AGBL4: variants seen among roughly 807,000 people sequenced by gnomAD.
The protein encoded by AGBL4 is AGBL carboxypeptidase 4, also known as cytosolic carboxypeptidase 6.
A neutral mutation model predicts 66.4 loss-of-function variants in AGBL4; 58 were observed. That is an observed-to-expected ratio of 0.87 (90% confidence interval 0.71 to 1.09). The LOEUF (loss-of-function observed/expected upper bound fraction) is 1.09. Among genes scored for constraint, AGBL4 ranks in the 50% least tolerant of loss-of-function variants. The probability of loss-of-function intolerance (pLI) is 0.00; values close to 1 mark genes in which losing one functional copy is unlikely to be tolerated. For synonymous variants in AGBL4, 234 were observed against 222.9 expected (o/e 1.05, Z -0.44); for missense variants, 579 against 631.0 (o/e 0.92, Z 0.88).
chr1:49,174,679 C>T (rs1646799340), intron 4 of AGBL4: 1 of 152,146 alleles, frequency 6.6e-6, no homozygotes, highest in African/African-American at 2.4e-5. Context: ...CTGCAGCTTT[C>T]AGCTACCTTT....
At chr1:48,957,097 A>G (rs1187338467) in intron 5 of AGBL4, among the ~76,000 whole-genome samples, 1 of 152,172 alleles carries the variant, frequency 6.6e-6, no homozygotes, top group Non-Finnish European at 1.5e-5. Context: ...CCCTTCTTTT[A>G]TATAACAGGG....
chr1:49,258,951 G>T (rs57465947), intron 3 of AGBL4, among the ~76,000 whole-genome samples: 1 of 152,220 alleles, frequency 6.6e-6, no homozygotes, highest in South Asian at 2.1e-4. Flanking sequence ...GACTAAGAGC[G>T]GATCTCTCAG....
chr1:49,267,062 G>A (rs1195378325), intron 3 of AGBL4, among the ~76,000 whole-genome samples: 1 of 152,198 alleles, frequency 6.6e-6, no homozygotes, highest in African/African-American at 2.4e-5. Context: ...TGCAAACCCA[G>A]TGTCATTAAT....
At chr1:49,556,912 G>A (rs970141726) in intron 3 of AGBL4, among the ~76,000 whole-genome samples, 1 of 152,108 alleles carries the variant, frequency 6.6e-6, no homozygotes, top group Non-Finnish European at 1.5e-5. Flanking sequence ...AGTGCTGGGG[G>A]ACCCGGCGCA....
chr1:49,115,589 GGAGAGA>G (rs148141722), intron 4 of AGBL4, among the ~76,000 whole-genome samples: 42 of 150,802 alleles, frequency 2.8e-4, no homozygotes, highest in Non-Finnish European at 4.3e-4. Context: ...GTGTTTGGAG[GGAGAGA>G]GAGAGAGAGG....
At chr1:48,623,634 G>A (rs375965542) in intron 9 of AGBL4, among the ~76,000 whole-genome samples, 1 of 152,240 alleles carries the variant, frequency 6.6e-6, no homozygotes, top group East Asian at 1.9e-4. Context: ...TTGGGCTTGA[G>A]AGCCTCTCAA....
intron 5 of AGBL4, among the ~76,000 whole-genome samples, chr1:49,010,031 C>G (rs1454448641): frequency 1.3e-5 from 2 of 152,052 alleles, no homozygotes; most frequent in Non-Finnish European, 2.9e-5. Context: ...CTGGCCAGGG[C>G]AATTAGGCAG....
chr1:48,606,378 G>GC (rs1159215203), intron 9 of AGBL4, among the ~76,000 whole-genome samples: 1 of 152,080 alleles, frequency 6.6e-6, no homozygotes, highest in Non-Finnish European at 1.5e-5. Flanking sequence ...TGACTTCATG[G>GC]CATTTTAGGA....
chr1:49,979,303 T>A (rs1033862020), intron 1 of AGBL4, among the ~76,000 whole-genome samples: 1 of 149,990 alleles, frequency 6.7e-6, no homozygotes, highest in Admixed American at 6.6e-5. Flanking sequence ...CTACTAAAAA[T>A]ACAAAAAATT....
chr1:49,669,844 C>A (rs559898735), intron 3 of AGBL4, among the ~76,000 whole-genome samples: 2 of 152,054 alleles, frequency 1.3e-5, no homozygotes, highest in African/African-American at 4.8e-5. Flanking sequence ...ATACCTAGAG[C>A]TGTCAGTCTT....
intron 6 of AGBL4, among the ~76,000 whole-genome samples, chr1:48,737,923 G>T (rs963979395): frequency 6.6e-6 from 1 of 152,146 alleles, no homozygotes; most frequent in African/African-American, 2.4e-5. Flanking sequence ...GACATGAGAA[G>T]GACCTGCCAA....
At chr1:49,425,757 G>A (rs191557559) in intron 3 of AGBL4, among the ~76,000 whole-genome samples, 3 of 152,312 alleles carry the variant, frequency 2.0e-5, no homozygotes, top group East Asian at 1.9e-4. Flanking sequence ...GACCAGGGGT[G>A]AGGGGGTGAG....
chr1:49,472,386 C>T (rs925036848), intron 3 of AGBL4, among the ~76,000 whole-genome samples: 5 of 151,840 alleles, frequency 3.3e-5, no homozygotes, highest in South Asian at 2.1e-4. Context: ...TATCTGGCAA[C>T]GATTTTAAAG....
chr1:49,450,822 C>G (rs547680737), intron 3 of AGBL4, among the ~76,000 whole-genome samples: 1 of 152,136 alleles, frequency 6.6e-6, no homozygotes, highest in South Asian at 2.1e-4. Context: ...AAACAAATCT[C>G]CAAGTCTCAA....
At chr1:49,832,096 T>C (rs1348462360) in intron 2 of AGBL4, among the ~76,000 whole-genome samples, 2 of 151,964 alleles carry the variant, frequency 1.3e-5, no homozygotes, top group African/African-American at 2.4e-5. Flanking sequence ...GCTGCACCCA[T>C]TAACTCGTCA....
intron 5 of AGBL4, among the ~76,000 whole-genome samples, chr1:48,886,794 G>A (rs182421316): frequency 9.4e-4 from 143 of 152,114 alleles, no homozygotes; most frequent in Non-Finnish European, 1.7e-3. Flanking sequence ...CTCGTGATCC[G>A]CCCGCCTCGG....
intron 4 of AGBL4, among the ~76,000 whole-genome samples, chr1:49,106,298 C>T (rs1313839136): frequency 2.6e-5 from 4 of 152,150 alleles, no homozygotes; most frequent in Non-Finnish European, 5.9e-5. Flanking sequence ...CTTGTCACTC[C>T]AATCATCAGC....
At chr1:48,948,725 T>C (rs1656722749) in intron 5 of AGBL4, among the ~76,000 whole-genome samples, 1 of 152,242 alleles carries the variant, frequency 6.6e-6, no homozygotes, top group Non-Finnish European at 1.5e-5. Context: ...GTCACTCCTT[T>C]ATTCATATGC....
At chr1:49,468,105 AG>A (rs1162894513) in intron 3 of AGBL4, among the ~76,000 whole-genome samples, 1 of 151,882 alleles carries the variant, frequency 6.6e-6, no homozygotes, top group Non-Finnish European at 1.5e-5. Context: ...TAGGTAACAT[AG>A]GTTTGAAATG....
Sources: gnomAD v4.1 joint callset for allele counts (sites outside exome capture counted in the v4.1 genomes callset) on GRCh38, gnomAD v4.1.1 for gene constraint, MANE v1.5 for transcripts, NCBI Gene and HGNC (gene_info 2026-07-23, HGNC 2026-07-21) for gene names.